The following RABGAP1 variants were observed in gnomAD, a reference collection of about 807,000 sequenced individuals.
RABGAP1 encodes rab GTPase-activating protein 1.
RABGAP1 carries 23 observed loss-of-function variants against 137.6 expected under a neutral mutation model. The observed-to-expected ratio is 0.17, with a 90% confidence interval of 0.12 to 0.24. The LOEUF is 0.24. RABGAP1 is among the 10% of genes least tolerant of loss of function. RABGAP1 has a pLI of 1.00. For synonymous variants in RABGAP1, 451 were observed against 450.7 expected (o/e 1.00, Z -0.01); for missense variants, 906 against 1,275.8 (o/e 0.71, Z 4.42).
At chr9:123,004,949 G>A (rs553506867) in intron 10 of RABGAP1, among the ~76,000 whole-genome samples, 2 of 151,460 alleles carry the variant, frequency 1.3e-5, no homozygotes, top group Non-Finnish European at 2.9e-5. Flanking sequence ...CCAGCTACTC[G>A]GGAGGCCGAG....
intron 13 of RABGAP1, among the ~76,000 whole-genome samples, chr9:123,037,510 A>G (rs1019318264): frequency 2.6e-5 from 4 of 152,238 alleles, no homozygotes; most frequent in African/African-American, 9.6e-5. Flanking sequence ...CTTTTCTGTT[A>G]GATTCTGAAA....
chr9:122,959,427 T>G (rs945361740), intron 2 of RABGAP1, among the ~76,000 whole-genome samples: 1 of 150,102 alleles, frequency 6.7e-6, no homozygotes, highest in Admixed American at 6.6e-5. Context: ...CATGATCTAA[T>G]TTATATTTTT....
intron 13 of RABGAP1, among the ~76,000 whole-genome samples, chr9:123,040,945 A>G (rs779998052): frequency 3.3e-5 from 5 of 152,062 alleles, no homozygotes; most frequent in Non-Finnish European, 7.4e-5. Context: ...TGGGTTATCT[A>G]TTTATGGTAA....
At chr9:122,958,883 C>T (rs1277939735) in intron 2 of RABGAP1, among the ~76,000 whole-genome samples, 2 of 151,950 alleles carry the variant, frequency 1.3e-5, no homozygotes, top group Middle Eastern at 3.2e-3. Context: ...GTGGCACACA[C>T]CTTCAGTCCC....
At chr9:123,037,564 T>C (rs999312998) in intron 13 of RABGAP1, among the ~76,000 whole-genome samples, 4 of 152,224 alleles carry the variant, frequency 2.6e-5, no homozygotes, top group African/African-American at 9.6e-5. Flanking sequence ...GGTACAGATC[T>C]AAAAAACCAA....
intron 10 of RABGAP1, among the ~76,000 whole-genome samples, chr9:123,001,069 C>T (rs1352387549): frequency 3.3e-5 from 5 of 151,874 alleles, no homozygotes; most frequent in Admixed American, 2.6e-4. Context: ...AGGCTGGTCT[C>T]GAACTCCTGA....
intron 1 of RABGAP1, among the ~76,000 whole-genome samples, chr9:122,941,348 C>T (rs144645300): frequency 1.3e-5 from 2 of 152,240 alleles, no homozygotes; most frequent in South Asian, 2.1e-4. Flanking sequence ...AACCGGTTCC[C>T]CCTGTCTGTG....
intron 4 of RABGAP1, among the ~76,000 whole-genome samples, 177 bp from the exon 5 acceptor site, chr9:122,989,120 C>T (rs1017105196): frequency 2.0e-5 from 3 of 152,034 alleles, no homozygotes; most frequent in African/African-American, 7.2e-5. Flanking sequence ...TATGGAATTA[C>T]GTAATCAATA....
At chr9:123,092,711 C>G (rs1041984263) in intron 21 of RABGAP1, among the ~76,000 whole-genome samples, 3 of 152,176 alleles carry the variant, frequency 2.0e-5, no homozygotes, top group African/African-American at 7.2e-5. Context: ...AGGCACTGTT[C>G]TAAGTGCTTT....
intron 2 of RABGAP1, among the ~76,000 whole-genome samples, chr9:122,974,274 TAA>T: frequency 6.6e-6 from 1 of 152,094 alleles, no homozygotes; most frequent in Non-Finnish European, 1.5e-5. Context: ...GAGAAAATAT[TAA>T]GAGTGCCCTG....
chr9:123,037,344 A>G (rs2032718039), intron 13 of RABGAP1, among the ~76,000 whole-genome samples: 1 of 152,214 alleles, frequency 6.6e-6, no homozygotes, highest in South Asian at 2.1e-4. Context: ...TAAACATTCA[A>G]ACTTCAGATT....
At chr9:123,060,224 G>C (rs1378948017) in intron 13 of RABGAP1, among the ~76,000 whole-genome samples, 1 of 152,180 alleles carries the variant, frequency 6.6e-6, no homozygotes, top group South Asian at 2.1e-4. Flanking sequence ...TTATATTTGT[G>C]TAAACACCAA....
At chr9:123,018,942 G>T (rs2031428947) in intron 12 of RABGAP1, among the ~76,000 whole-genome samples, 1 of 152,154 alleles carries the variant, frequency 6.6e-6, no homozygotes, top group African/African-American at 2.4e-5. Flanking sequence ...CTCTATAACA[G>T]AGCATTCATT....
intron 1 of RABGAP1, among the ~76,000 whole-genome samples, chr9:122,955,631 GT>G (rs1003745353): frequency 7.3e-5 from 11 of 149,696 alleles, no homozygotes; most frequent in South Asian, 6.3e-4. Context: ...TGATTTGTAA[GT>G]TTTTTTTTTC....
chr9:123,090,396 C>T lies in RABGAP1; in HGVS notation c.2628+11C>T, dbSNP rs754197235. ...AAGGACCTGGATAACGTAAGTCCAA[C>T]GGGTCTGAAGGGAAAGATCTCACTG... On this transcript the variant is annotated intron_variant, in intron 21 of 25. Coordinates refer to ENST00000373647, the MANE Select transcript of RABGAP1 (RefSeq NM_012197.4). 7 of 1,584,594 alleles carry T rather than the reference C, an allele frequency of 4.4e-6. No individual in the cohort carries two copies. The highest frequency in any genetic ancestry group is 6.0e-6 in the Non-Finnish European group (7 of 1,157,060).
At chr9:122,990,980 ATACATTG>A (rs1836694211) in intron 6 of RABGAP1, among the ~76,000 whole-genome samples, 2 of 150,902 alleles carry the variant, frequency 1.3e-5, no homozygotes, top group African/African-American at 4.9e-5. Flanking sequence ...AGTTATCTGC[ATACATTG>A]GAAGGGGAGA....
At chr9:122,991,843 T>C (rs564825061) in intron 6 of RABGAP1, among the ~76,000 whole-genome samples, 1 of 152,114 alleles carries the variant, frequency 6.6e-6, no homozygotes, top group African/African-American at 2.4e-5. Context: ...TGGTCTCAAG[T>C]GATAGTCTCA....
At chr9:123,057,894 A>C (rs1423534333) in intron 13 of RABGAP1, among the ~76,000 whole-genome samples, 1 of 152,218 alleles carries the variant, frequency 6.6e-6, no homozygotes, top group African/African-American at 2.4e-5. Context: ...CCACCAAAAA[A>C]ATACGAAAAC....
At chr9:123,083,902 T>G (rs1197996510) in intron 19 of RABGAP1, among the ~76,000 whole-genome samples, 1 of 152,210 alleles carries the variant, frequency 6.6e-6, no homozygotes, top group Non-Finnish European at 1.5e-5. Context: ...GTACTTTCCT[T>G]AAGTCAGTTC....
Sources: gnomAD v4.1 joint callset for allele counts (sites outside exome capture counted in the v4.1 genomes callset) on GRCh38, gnomAD v4.1.1 for gene constraint, MANE v1.5 for transcripts, NCBI Gene and HGNC (gene_info 2026-07-23, HGNC 2026-07-21) for gene names.